The following UTP18 variants were observed in gnomAD, a reference collection of about 807,000 sequenced individuals.
UTP18 encodes U3 small nucleolar RNA-associated protein 18 homolog.
UTP18 carries 36 observed loss-of-function variants against 61.1 expected under a neutral mutation model. The observed-to-expected ratio is 0.59, with a 90% CI of 0.45 to 0.78. UTP18 has a LOEUF of 0.78. UTP18 is among the 30% of genes least tolerant of loss of function. The pLI is 0.00. For missense variants in UTP18, 753 were observed against 693.9 expected (o/e 1.09, Z -0.96); for synonymous variants, 282 against 251.1 (o/e 1.12, Z -1.16).
intron 5 of UTP18, among the ~76,000 whole-genome samples, chr17:51,274,534 C>T (rs183316734): frequency 8.5e-5 from 13 of 152,114 alleles, no homozygotes; most frequent in South Asian, 2.1e-4. Context: ...CTCCGCCTCC[C>T]GGGTTCAAGC....
At chr17:51,297,159 T>A (rs1309335900) in intron 13 of UTP18, among the ~76,000 whole-genome samples, 156 bp downstream of exon 13, 1 of 152,172 alleles carries the variant, frequency 6.6e-6, no homozygotes, top group Non-Finnish European at 1.5e-5. Context: ...TCAGGAACTG[T>A]CTAGCTGAAG....
intron 10 of UTP18, chr17:51,286,435 C>G (rs1234484890): frequency 2.2e-6 from 1 of 455,102 alleles, no homozygotes; most frequent in Non-Finnish European, 4.4e-6. Flanking sequence ...GTCTTGTTGT[C>G]CAGAAACTTA....
chr17:51,279,589 ATATGTTTT>A (rs1310778766), intron 7 of UTP18, among the ~76,000 whole-genome samples: 2 of 151,772 alleles, frequency 1.3e-5, no homozygotes, highest in Non-Finnish European at 2.9e-5. Context: ...GCTAGTTTAT[ATATGTTTT>A]TATGTTTTTG....
intron 7 of UTP18, among the ~76,000 whole-genome samples, chr17:51,278,662 T>C (rs2079053608): frequency 6.6e-6 from 1 of 152,224 alleles, no homozygotes; most frequent in Non-Finnish European, 1.5e-5. Context: ...TCTGTAGGTG[T>C]TTCCAGTTGT....
chr17:51,277,283 A>G lies in UTP18; in HGVS notation c.991A>G (p.Ile331Val). The G allele has an allele frequency of 1.2e-6, 2 of 1,614,112 alleles. No individual in the cohort carries two copies. The highest frequency in any genetic ancestry group is 1.7e-6 in the Non-Finnish European group (2 of 1,180,000). ...YVYDMLAGKLIPVHQVRGLKE... is the reference protein window; with the variant it reads ...YVYDMLAGKLVPVHQVRGLKE... Reference sequence around the variant, plus strand: ...CTATGACATGCTGGCTGGAAAGTTAATTCCTGTGCATCAAGTGAGAGGTAA... The same window carrying G: ...CTATGACATGCTGGCTGGAAAGTTAGTTCCTGTGCATCAAGTGAGAGGTAA... Residue 331 changes from isoleucine (I) to valine (V), a missense_variant, in exon 7 of 14, where the codon ATT (isoleucine) becomes GTT (valine). Physicochemically the swap from Ile to Val is conservative, Grantham distance 29 (BLOSUM62 3). Coordinates refer to ENST00000225298, the MANE Select transcript of UTP18 (RefSeq NM_016001.3).
chr17:51,268,685 A>G, intron 3 of UTP18, 152 bp from the exon 4 acceptor site: 2 of 635,506 alleles, frequency 3.1e-6, no homozygotes, highest in East Asian at 6.2e-5. Flanking sequence ...GTGAGTAAAG[A>G]TAATAACTTC....
At chr17:51,269,811 C>G (rs899949845) in intron 4 of UTP18, among the ~76,000 whole-genome samples, 1 of 151,514 alleles carries the variant, frequency 6.6e-6, no homozygotes, top group African/African-American at 2.4e-5. Context: ...TCTACATTAT[C>G]CTCTGCTTAA....
rs900649507 is a variant in UTP18, at chr17:51,261,014, C to T, written c.342+88C>T. On this transcript the variant is annotated intron_variant, in intron 1 of 13. Coordinates refer to ENST00000225298, the MANE Select transcript of UTP18 (RefSeq NM_016001.3). ...GCTCCGGGGGGCGGAGCCTGGGCGA[C>T]CTGCGGCGGCGGGGAGCGCTCAGGT... The T allele has an allele frequency of 9.0e-6, 11 of 1,215,632 alleles. No homozygotes were observed. In the East Asian group the frequency reaches 3.3e-4, roughly 37 times the overall value. 75.3% of individuals were successfully genotyped at this position (1,215,632 alleles called of 1,614,324 possible).
At chr17:51,289,796 C>G (rs1288725618) in intron 11 of UTP18, among the ~76,000 whole-genome samples, 4 of 152,186 alleles carry the variant, frequency 2.6e-5, no homozygotes, top group African/African-American at 9.7e-5. Context: ...TTGCATCTGC[C>G]ATCAGCTTTG....
At position 51,273,419 on chromosome 17, in the gene UTP18, C is replaced by T. The variant is rs771827580; in HGVS notation, c.680C>T (p.Thr227Ile). The T allele has an allele frequency of 2.3e-5, 37 of 1,610,792 alleles. No individual in the cohort carries two copies. Among genetic ancestry groups the T allele is most frequent in the Non-Finnish European group, 1.7e-6 (2 of 1,178,618 alleles). Residue 227 changes from threonine to isoleucine, a missense_variant, in exon 5 of 14, where the codon ACA (threonine) becomes ATA (isoleucine). Thr to Ile is a moderately conservative substitution (Grantham distance 89, BLOSUM62 -1). Coordinates refer to ENST00000225298, the MANE Select transcript of UTP18 (RefSeq NM_016001.3). ...CAAAGGACTGGGAATTTCATATCCA[C>T]ATCAACTTCTCTTCCAAGAGGAATC... ...LLQRTGNFIS[T>I]STSLPRGILK...
intron 13 of UTP18, 97 bp downstream of exon 13, chr17:51,297,100 T>G: frequency 1.9e-6 from 2 of 1,045,284 alleles, no homozygotes; most frequent in Non-Finnish European, 2.8e-6. Flanking sequence ...TTTGTTTCTC[T>G]ACCCCTAAGT....
In UTP18 at chr17:51,280,203, C is replaced by T. The variant is rs1015147023; in HGVS notation, c.1113+98C>T. The T allele has an allele frequency of 1.1e-5, 15 of 1,360,894 alleles. No individual in the cohort carries two copies. In the East Asian group the frequency reaches 3.7e-4, roughly 33 times the overall value. 84.3% of individuals were successfully genotyped at this position (1,360,894 alleles called of 1,614,324 possible). The stretch of plus-strand genomic sequence containing the variant: ...CAGTGTGTCCTTAAATCTGCATCTC[C>T]AAGTAGAGGAGCACAGGTGGGACTT... On this transcript the variant is annotated intron_variant, in intron 8 of 13. Coordinates refer to ENST00000225298, the MANE Select transcript of UTP18 (RefSeq NM_016001.3).
intron 9 of UTP18, 146 bp downstream of exon 9, chr17:51,280,625 C>A: frequency 1.4e-6 from 1 of 705,544 alleles, no homozygotes; most frequent in Non-Finnish European, 2.4e-6. Context: ...TCAGCCTGGC[C>A]AACATGGTAA....
chr17:51,282,720 G>A (rs1263118426), intron 9 of UTP18, among the ~76,000 whole-genome samples: 1 of 152,168 alleles, frequency 6.6e-6, no homozygotes, highest in Non-Finnish European at 1.5e-5. Flanking sequence ...GGTCATGGCT[G>A]TGGAGATCTA....
rs915835536 is a variant in UTP18 at position 51,261,052 on chromosome 17, G to A, written c.342+126G>A. The A allele has an allele frequency of 7.6e-5, 66 of 863,140 alleles. 1 individual carries two copies. The highest frequency in any genetic ancestry group is 1.7e-4 in the South Asian group (4 of 23,902). The allele number at this position is 863,140 out of a possible 1,614,324, so 53.5% of individuals were successfully genotyped here. ...GGAGCGCTCAGGTGGGAGGGAGCCC[G>A]AGAACGCGGGCGCGGAGGGTCGCAG... On this transcript the variant is annotated intron_variant, in intron 1 of 13. Transcript: ENST00000225298.
In UTP18 at chr17:51,277,204, T is replaced by C; in HGVS notation, c.912T>C (p.Ser304=). Residue 304 remains serine (S), a synonymous_variant, in exon 7 of 14, where the codon AGT becomes AGC. Coordinates refer to ENST00000225298, the MANE Select transcript of UTP18 (RefSeq NM_016001.3). ...TTCCAATCTTTAAGGCTTGTTTTAG[T>C]GCTAATGGGGAAGAAGTTTTAGCCA... The part of the protein sequence containing the change: ...ERFPIFKACF[S]ANGEEVLATS... The C allele has an allele frequency of 1.9e-6, 3 of 1,614,150 alleles. No homozygotes were observed. The highest frequency in any genetic ancestry group is 2.5e-6 in the Non-Finnish European group (3 of 1,180,024).
intron 5 of UTP18, 128 bp downstream of exon 5, chr17:51,273,578 T>A: frequency 1.6e-6 from 1 of 607,576 alleles, no homozygotes; most frequent in Non-Finnish European, 2.7e-6. Flanking sequence ...CATTTTGCCC[T>A]GGTAAATACT....
chr17:51,281,046 C>T (rs1904900159), intron 9 of UTP18, among the ~76,000 whole-genome samples: 1 of 151,260 alleles, frequency 6.6e-6, no homozygotes, highest in South Asian at 2.1e-4. Context: ...GGCATGCTGG[C>T]GCTCGCCTGT....
chr17:51,269,422 T>C (rs1904435421), intron 4 of UTP18, among the ~76,000 whole-genome samples: 1 of 151,580 alleles, frequency 6.6e-6, no homozygotes, highest in Non-Finnish European at 1.5e-5. Context: ...CTATTATAAA[T>C]ATGGATGGCT....
Sources: gnomAD v4.1 joint callset for allele counts (sites outside exome capture counted in the v4.1 genomes callset) on GRCh38, gnomAD v4.1.1 for gene constraint, MANE v1.5 for transcripts, NCBI Gene and HGNC (gene_info 2026-07-23, HGNC 2026-07-21) for gene names.